Variants in NLGN1 observed in about 807,000 individuals in gnomAD.
The protein encoded by NLGN1 is neuroligin 1.
In NLGN1, 12 loss-of-function variants were observed where a neutral mutation model predicts 65.5. The observed-to-expected ratio is 0.18, with a 90% CI of 0.12 to 0.30. NLGN1 has a LOEUF of 0.30. NLGN1 is among the 10% of genes least tolerant of loss of function. NLGN1 has a pLI of 1.00. For missense variants in NLGN1, 750 were observed against 1,007.1 expected (o/e 0.74, Z 3.46); for synonymous variants, 350 against 359.5 (o/e 0.97, Z 0.30).
intron 3 of NLGN1, among the ~76,000 whole-genome samples, chr3:173,677,956 A>G (rs187916031): frequency 4.6e-5 from 7 of 152,252 alleles, no homozygotes; most frequent in Non-Finnish European, 7.4e-5. Context: ...GTGTCATATA[A>G]TTTAATTTTC....
chr3:173,691,494 G>A (rs188548909), intron 3 of NLGN1, among the ~76,000 whole-genome samples: 81 of 152,212 alleles, frequency 5.3e-4, no homozygotes, highest in African/African-American at 1.7e-3. Flanking sequence ...TTTGAAGCCA[G>A]CGACTTTATA....
At chr3:173,483,146 T>C (rs1474834175) in intron 2 of NLGN1, among the ~76,000 whole-genome samples, 3 of 152,060 alleles carry the variant, frequency 2.0e-5, no homozygotes, top group Admixed American at 6.6e-5. Flanking sequence ...TCCTCAATAA[T>C]TGAACACATC....
At chr3:173,420,437 A>G (rs921027836) in intron 1 of NLGN1, among the ~76,000 whole-genome samples, 3 of 152,118 alleles carry the variant, frequency 2.0e-5, no homozygotes, top group Non-Finnish European at 2.9e-5. Flanking sequence ...AAAGTATTCC[A>G]TGGTGTATAT....
intron 4 of NLGN1, among the ~76,000 whole-genome samples, chr3:174,146,133 CT>C (rs1167293334): frequency 2.6e-4 from 38 of 147,342 alleles, no homozygotes; most frequent in African/African-American, 8.1e-4. Context: ...TCCTTCCTTC[CT>C]TCCTTCCTTC....
chr3:173,994,491 A>G (rs74659311), intron 4 of NLGN1, among the ~76,000 whole-genome samples: 923 of 81,252 alleles, frequency 0.011, 17 homozygotes, highest in African/African-American at 0.042. Flanking sequence ...AAAAAAAAAA[A>G]AGAGAGAGAG....
chr3:173,737,202 G>A (rs1773907232), intron 3 of NLGN1, among the ~76,000 whole-genome samples: 1 of 150,152 alleles, frequency 6.7e-6, no homozygotes, highest in African/African-American at 2.5e-5. Flanking sequence ...ACAACTTCCT[G>A]TATGATTGCT....
chr3:174,077,986 G>A (rs1213750007), intron 4 of NLGN1, among the ~76,000 whole-genome samples: 1 of 152,036 alleles, frequency 6.6e-6, no homozygotes, highest in Non-Finnish European at 1.5e-5. Context: ...GGAGGTGGGG[G>A]AACAAAATGG....
At chr3:173,982,079 C>T (rs1718902125) in intron 4 of NLGN1, among the ~76,000 whole-genome samples, 1 of 152,008 alleles carries the variant, frequency 6.6e-6, no homozygotes, top group African/African-American at 2.4e-5. Context: ...AGCAAGGAAA[C>T]TAAGATGTCG....
chr3:173,473,203 A>G (rs1017419789), intron 2 of NLGN1, among the ~76,000 whole-genome samples: 1 of 152,196 alleles, frequency 6.6e-6, no homozygotes, highest in Non-Finnish European at 1.5e-5. Context: ...TGTAAATGTT[A>G]TGTCTCTGAA....
chr3:174,149,085 T>G (rs1466839342), intron 4 of NLGN1, among the ~76,000 whole-genome samples: 1 of 152,182 alleles, frequency 6.6e-6, no homozygotes. Flanking sequence ...AAGTTCTTAG[T>G]GGGTAGAAAA....
At chr3:173,661,795 C>T (rs1306258910) in intron 3 of NLGN1, among the ~76,000 whole-genome samples, 1 of 151,910 alleles carries the variant, frequency 6.6e-6, no homozygotes, top group East Asian at 1.9e-4. Flanking sequence ...GTTAGAATAC[C>T]ATTTCATTGA....
rs1227261134 is a variant in NLGN1 at position 174,280,898 on chromosome 3, G to A, written c.2067G>A (p.Leu689=). 1 of 1,613,350 alleles carries A rather than the reference G, an allele frequency of 6.2e-7. No homozygotes were observed. The highest frequency in any genetic ancestry group is 1.1e-5 in the South Asian group (1 of 91,080). ...CAGTTGGAGCATCACTGCTGTTTCT[G>A]AACATCTTGGCCTTTGCAGCCCTGT... Residue 689 remains leucine (L), a synonymous_variant, in exon 7 of 7, where the codon CTG becomes CTA. Coordinates refer to ENST00000457714, the Ensembl canonical transcript of NLGN1. The surrounding 1 kb of genome is among the most constrained non-coding windows in gnomAD (Gnocchi z 4.9).
At position 174,275,823 on chromosome 3, in the gene NLGN1, G is replaced by A. The variant is rs896505381; in HGVS notation, c.859+296G>A. ...TTTGAAGAAAAAATCAGACAAAGACGTTCTACAGTTTTGTCATCTTTGTTT... is the reference window on the plus strand; with the variant it reads ...TTTGAAGAAAAAATCAGACAAAGACATTCTACAGTTTTGTCATCTTTGTTT... On this transcript the variant is annotated intron_variant, in intron 5 of 6. Coordinates refer to ENST00000457714, the Ensembl canonical transcript of NLGN1. Among the ~76,000 whole-genome samples the A allele has an allele frequency of 4.6e-5, 7 of 151,936 alleles. No homozygotes were observed. In the East Asian group the frequency reaches 7.8e-4, roughly 17 times the overall value.
chr3:173,964,456 C>G (rs915224647), intron 4 of NLGN1, among the ~76,000 whole-genome samples: 2 of 152,070 alleles, frequency 1.3e-5, no homozygotes, highest in Admixed American at 6.6e-5. Flanking sequence ...GAGGCAAGAC[C>G]GGGATTTTGT....
At chr3:173,679,399 T>G (rs1763622121) in intron 3 of NLGN1, among the ~76,000 whole-genome samples, 1 of 151,942 alleles carries the variant, frequency 6.6e-6, no homozygotes. Context: ...TAATTCTGAG[T>G]CATGTGGTAG....
At chr3:173,867,708 A>T (rs565344292) in intron 4 of NLGN1, among the ~76,000 whole-genome samples, 3 of 152,142 alleles carry the variant, frequency 2.0e-5, no homozygotes, top group Admixed American at 2.0e-4. Context: ...TGAAGGGTAC[A>T]TTCCAATTAC....
intron 2 of NLGN1, among the ~76,000 whole-genome samples, chr3:173,540,115 A>C (rs141850362): frequency 9.6e-4 from 146 of 152,094 alleles, no homozygotes; most frequent in African/African-American, 3.4e-3. Context: ...TGTTTCTCAG[A>C]AGAAGGGTAG....
intron 4 of NLGN1, among the ~76,000 whole-genome samples, chr3:174,059,174 G>T (rs1560943461): frequency 6.6e-6 from 1 of 152,080 alleles, no homozygotes; most frequent in Non-Finnish European, 1.5e-5. Flanking sequence ...GGGCCCCGGA[G>T]CCTATGGCAG....
intron 2 of NLGN1, among the ~76,000 whole-genome samples, chr3:173,556,616 G>T (rs903022598): frequency 6.6e-6 from 1 of 152,038 alleles, no homozygotes; most frequent in Non-Finnish European, 1.5e-5. Context: ...TTCAAGACCA[G>T]CTTGGGCAAT....
Sources: gnomAD v4.1 joint callset for allele counts (sites outside exome capture counted in the v4.1 genomes callset) on GRCh38, gnomAD v4.1.1 for gene constraint, Gnocchi (gnomAD v3.1) non-coding constraint, MANE v1.5 for transcripts, NCBI Gene and HGNC (gene_info 2026-07-23, HGNC 2026-07-21) for gene names.